The following UBE2J2 variants were observed in gnomAD, a reference collection of about 807,000 sequenced individuals.
UBE2J2 encodes ubiquitin-conjugating enzyme E2 J2.
UBE2J2 carries 5 observed loss-of-function variants against 28.6 expected under a neutral mutation model. The observed-to-expected ratio is 0.17, with a 90% CI of 0.09 to 0.37. The LOEUF (loss-of-function observed/expected upper bound fraction) is 0.37. Ranked by LOEUF, UBE2J2 falls within the 10% of genes least tolerant of loss-of-function variation. The pLI, the probability that UBE2J2 is intolerant of heterozygous loss-of-function variation, is 1.00. For missense variants in UBE2J2, 226 were observed against 338.9 expected (o/e 0.67, Z 2.62); for synonymous variants, 138 against 139.7 (o/e 0.99, Z 0.09).
chr1:1,257,187 C>CG, intron 4 of UBE2J2, 21 bp downstream of exon 4: 1 of 1,602,740 alleles, frequency 6.2e-7, no homozygotes, highest in Admixed American at 1.7e-5. Context: ...AAAGCCTCCG[C>CG]GGCCCCTCCA....
Position 1,256,873 on chromosome 1 carries a change from G to A in UBE2J2, c.414+119C>T, listed in dbSNP as rs939081277. The A allele has an allele frequency of 1.7e-5, 18 of 1,032,038 alleles. No individual in the cohort carries two copies. The Admixed American group carries it at 1.9e-4, about 11-fold the overall frequency. The allele number at this position is 1,032,038 out of a possible 1,614,324, so 63.9% of individuals were successfully genotyped here. A position where few individuals can be genotyped will look rare whatever the true frequency, so the allele number is the denominator to read the frequency against. ...CTGCACTCCAGCCTGGAGACACAGC[G>A]AGACTCCGTCTCAAGAAAAAAAAAA... is the stretch of plus-strand genomic sequence containing the variant. On this transcript the variant is annotated intron_variant, in intron 5 of 6. Transcript: ENST00000349431.
intron 3 of UBE2J2, among the ~76,000 whole-genome samples, chr1:1,257,518 A>C (rs1316873348): frequency 1.4e-5 from 2 of 146,706 alleles, no homozygotes; most frequent in African/African-American, 2.5e-5. Flanking sequence ...GACCACCCAG[A>C]CCCAATGCCC....
chr1:1,259,029 AGTGTGTGCATGCCATCAGGACGCAC>A (rs1557552646), intron 3 of UBE2J2, among the ~76,000 whole-genome samples: 1 of 139,620 alleles, frequency 7.2e-6, no homozygotes. Context: ...TGCGTGTCTG[AGTGTGTGCATGCCATCAGGACGCAC>A]GTGTGTGCAT....
At chr1:1,271,638 C>T (rs12123177) in intron 1 of UBE2J2, 2 of 152,114 alleles carry the variant, frequency 1.3e-5, no homozygotes, top group Non-Finnish European at 2.9e-5. Flanking sequence ...TCCCCCAATT[C>T]TTCTCATCCC....
chr1:1,258,502 C>G (rs1423624750), intron 3 of UBE2J2, among the ~76,000 whole-genome samples: 1 of 152,042 alleles, frequency 6.6e-6, no homozygotes, highest in East Asian at 1.9e-4. Context: ...GTGCTCTCCT[C>G]TCAGTCCTGG....
At chr1:1,261,224 G>A (rs1009048855) in intron 3 of UBE2J2, among the ~76,000 whole-genome samples, 1 of 152,228 alleles carries the variant, frequency 6.6e-6, no homozygotes, top group Non-Finnish European at 1.5e-5. Context: ...CCAGTGAGGG[G>A]GAGGTCCGCG....
rs763840972 is a variant in UBE2J2 at position 1,267,852 on chromosome 1, G to A, written c.131+10C>T. On this transcript the variant is annotated intron_variant, in intron 2 of 6. Coordinates refer to ENST00000349431, the MANE Select transcript of UBE2J2 (RefSeq NM_058167.3). ...GTCAGCGCAGGGCGATCAGTGGCGC[G>A]GAGCCTTACCACTCGAGAATATTCG... 1.7e-5 allele frequency: 28 copies of A among 1,613,388 alleles called. No homozygotes were observed. The highest frequency in any genetic ancestry group is 5.3e-5 in the African/African-American group (4 of 74,918).
rs1639947824 is a variant in UBE2J2, at chr1:1,267,687, G to A, written c.131+175C>T. The A allele has an allele frequency of 7.0e-6, 10 of 1,428,458 alleles. No individual in the cohort carries two copies. In the South Asian group the frequency reaches 1.1e-4, roughly 16 times the overall value. The allele number at this position is 1,428,458 out of a possible 1,614,324, so 88.5% of individuals were successfully genotyped here. A position where few individuals can be genotyped will look rare whatever the true frequency, so the allele number is the denominator to read the frequency against. The stretch of plus-strand genomic sequence containing the variant: ...TGATGTCCCCGGCATGCGTCCATTG[G>A]GAAAAGACCAGAGAGTGTCCACAGG... On this transcript the variant is annotated intron_variant, in intron 2 of 6. Transcript: ENST00000349431.
At position 1,257,231 on chromosome 1, in the gene UBE2J2, G is replaced by A. The variant is rs375280452; in HGVS notation, c.252C>T (p.Asn84=). 2.8e-4 allele frequency: 447 copies of A among 1,612,364 alleles called. No individual in the cohort carries two copies. The highest frequency in any genetic ancestry group is 3.4e-4 in the Non-Finnish European group (396 of 1,179,350). The stretch of plus-strand genomic sequence containing the variant: ...ACCTGGTGTTGCACTTAAACCTCCC[G>A]TTGGGAGTGATCATATAGATACTGG... ...KPPSIYMITP[N]GRFKCNTRLC... Residue 84 remains asparagine, a synonymous_variant, in exon 4 of 7, where the codon AAC becomes AAT. Transcript: ENST00000349431.
chr1:1,265,067 C>T (rs1208828857), intron 2 of UBE2J2, among the ~76,000 whole-genome samples: 1 of 152,168 alleles, frequency 6.6e-6, no homozygotes, highest in Non-Finnish European at 1.5e-5. Flanking sequence ...AGGAATGTGG[C>T]CTTACGTTGT....
At position 1,254,287 on chromosome 1, in the gene UBE2J2, C is replaced by T. The variant is rs1639060026; in HGVS notation, c.*916G>A. 6.6e-6 allele frequency: 1 copy of T among 152,224 alleles called. No individual in the cohort carries two copies. Among genetic ancestry groups the T allele is most frequent in the African/African-American group, 2.4e-5 (1 of 41,452 alleles). 9.4% of individuals were successfully genotyped at this position (152,224 alleles called of 1,614,324 possible). ...TGGACAGCGAACACCCGGGCCGGAGCCATTACCTACTGTGAAGGCCAGCGC... is the reference window on the plus strand; with the variant it reads ...TGGACAGCGAACACCCGGGCCGGAGTCATTACCTACTGTGAAGGCCAGCGC... On this transcript the variant is annotated 3_prime_UTR_variant, in exon 7 of 7. Transcript: ENST00000349431.
chr1:1,258,421 G>A (rs1639338102), intron 3 of UBE2J2, among the ~76,000 whole-genome samples: 2 of 151,984 alleles, frequency 1.3e-5, no homozygotes. Flanking sequence ...GCCCCACCCT[G>A]GTCTAGCTCC....
At chr1:1,260,829 T>C (rs1363630117) in intron 3 of UBE2J2, among the ~76,000 whole-genome samples, 1 of 152,264 alleles carries the variant, frequency 6.6e-6, no homozygotes, top group Non-Finnish European at 1.5e-5. Flanking sequence ...TCTAGGTCCT[T>C]TGCCTTTGCA....
intron 2 of UBE2J2, chr1:1,263,663 T>C: frequency 3.0e-6 from 1 of 329,752 alleles, no homozygotes; most frequent in Non-Finnish European, 5.7e-6. Flanking sequence ...TGCACGAAGC[T>C]CATCTTAATA....
At position 1,268,147 on chromosome 1, in the gene UBE2J2, G is replaced by A. The variant is rs1639972582; in HGVS notation, c.1-155C>T. Among the ~76,000 whole-genome samples, 1 of 152,024 alleles carries A rather than the reference G, an allele frequency of 6.6e-6. No individual in the cohort carries two copies. The highest frequency in any genetic ancestry group is 6.5e-5 in the Admixed American group (1 of 15,268). On this transcript the variant is annotated intron_variant, in intron 1 of 6. Transcript: ENST00000349431. This position sits in a 1 kb window ranked among gnomAD's most constrained non-coding sequence, Gnocchi z 4.7. The stretch of plus-strand genomic sequence containing the variant: ...CACAGGTCACCCTCGCTTGCCACCC[G>A]CCCAGACACCCAGAGGCCCTGCGGC...
intron 1 of UBE2J2, among the ~76,000 whole-genome samples, chr1:1,269,125 G>C (rs1436286070): frequency 6.6e-6 from 1 of 151,324 alleles, no homozygotes; most frequent in East Asian, 1.9e-4. Flanking sequence ...GCTGGATCAG[G>C]GACCCCAAGG....
intron 3 of UBE2J2, among the ~76,000 whole-genome samples, chr1:1,258,586 C>A (rs1639346982): frequency 6.6e-6 from 1 of 152,204 alleles, no homozygotes; most frequent in Non-Finnish European, 1.5e-5. Flanking sequence ...CCACTTCCCC[C>A]ACCCTGCACC....
At chr1:1,256,911 A>AAT in intron 5 of UBE2J2, 81 bp downstream of exon 5, 9 of 1,066,592 alleles carry the variant, frequency 8.4e-6, no homozygotes, top group Non-Finnish European at 1.1e-5. Context: ...AAAAAAAAAA[A>AAT]GGCAGCTGCA....
chr1:1,266,017 G>C (rs915136367), intron 2 of UBE2J2: 3 of 1,290,082 alleles, frequency 2.3e-6, no homozygotes, highest in Non-Finnish European at 3.1e-6. Context: ...CCACAGATTT[G>C]TGGGGAGGGA....
Sources: gnomAD v4.1 joint callset for allele counts (sites outside exome capture counted in the v4.1 genomes callset) on GRCh38, gnomAD v4.1.1 for gene constraint, Gnocchi (gnomAD v3.1) non-coding constraint, MANE v1.5 for transcripts, NCBI Gene and HGNC (gene_info 2026-07-23, HGNC 2026-07-21) for gene names.